The following CLPTM1L variants were observed in gnomAD, a reference collection of about 807,000 sequenced individuals.
The protein encoded by CLPTM1L is CLPTM1 like, also known as lipid scramblase CLPTM1L.
CLPTM1L carries 38 observed loss-of-function variants against 70.9 expected under a neutral mutation model. The ratio of observed to expected loss-of-function variants is 0.54; its 90% CI spans 0.41 to 0.70. The LOEUF is 0.70. CLPTM1L is among the 30% of genes least tolerant of loss of function. The pLI, the probability that CLPTM1L is intolerant of heterozygous loss-of-function variation, is 0.00. For synonymous variants in CLPTM1L, 339 were observed against 299.9 expected (o/e 1.13, Z -1.35); for missense variants, 652 against 705.9 (o/e 0.92, Z 0.87).
intron 2 of CLPTM1L, among the ~76,000 whole-genome samples, chr5:1,343,549 G>A (rs766244956): frequency 6.6e-5 from 10 of 152,208 alleles, no homozygotes; most frequent in Non-Finnish European, 1.3e-4. Flanking sequence ...TGAAAGGTGT[G>A]GGCAGCTACA....
intron 13 of CLPTM1L, among the ~76,000 whole-genome samples, chr5:1,322,022 G>A (rs1015278810): frequency 1.3e-5 from 2 of 152,326 alleles, no homozygotes; most frequent in South Asian, 2.1e-4. Context: ...AAGAGTCTAC[G>A]ACAACTTTGG....
chr5:1,331,496 G>T (rs116349938), intron 8 of CLPTM1L: 13 of 480,920 alleles, frequency 2.7e-5, no homozygotes, highest in Non-Finnish European at 1.9e-5. Context: ...AGGCTCGAGA[G>T]GTCCATGCAT....
intron 16 of CLPTM1L, among the ~76,000 whole-genome samples, chr5:1,319,775 C>T (rs935028840): frequency 6.6e-6 from 1 of 152,332 alleles, no homozygotes; most frequent in African/African-American, 2.4e-5. Context: ...GGCTCTGAGA[C>T]ACTTGGCAGC....
intron 1 of CLPTM1L, 107 bp downstream of exon 1, chr5:1,344,573 G>C: frequency 2.7e-6 from 4 of 1,454,858 alleles, no homozygotes; most frequent in Non-Finnish European, 3.8e-6. Flanking sequence ...GTTCCATCTC[G>C]ACTCGCGCGG....
rs369678416 is a variant in CLPTM1L, at chr5:1,332,972, G to C, written c.892-1089C>G. 2.9e-3 allele frequency among the ~76,000 whole-genome samples: 446 copies of C among 151,526 alleles called. 7 individuals are homozygous for C. In the East Asian group the frequency reaches 0.039, roughly 13 times the overall value. On this transcript the variant is annotated intron_variant, in intron 7 of 16. Coordinates refer to ENST00000320895, the MANE Select transcript of CLPTM1L (RefSeq NM_030782.5). Reference sequence around the variant, plus strand: ...TATACACTGGATGAGAACAAGGGGGGACTACTGTATACACACGGGATGAGG... The same window carrying C: ...TATACACTGGATGAGAACAAGGGGGCACTACTGTATACACACGGGATGAGG...
chr5:1,344,448 T>C lies in CLPTM1L; in HGVS notation c.166A>G (p.Ser56Gly). 6.2e-7 allele frequency: 1 copy of C among 1,613,120 alleles called. No homozygotes were observed. The highest frequency in any genetic ancestry group is 8.5e-7 in the Non-Finnish European group (1 of 1,179,538). Residue 56 changes from serine (S) to glycine (G), a missense_variant, in exon 2 of 17, where the codon AGC becomes GGC. Physicochemically the swap from Ser to Gly is moderately conservative, Grantham distance 56. Around this residue, in one of 3 missense-constraint regions of CLPTM1L, gnomAD observed 402 missense variants for 388.2 expected, o/e 1.04. Transcript: ENST00000320895. ...YLARRPKLQL[S>G]VYTTTRSHLG... ...TGGGACCTCGTCGTGGTGTACACGC[T>C]CAGCTGGAAAGGAGGGGGCGTCGAG...
Position 1,321,641 on chromosome 5 carries a change from G to C in CLPTM1L, c.1410C>G (p.Thr470=), listed in dbSNP as rs769304624. 2 of 1,613,864 alleles carry C rather than the reference G, an allele frequency of 1.2e-6. No individual in the cohort carries two copies. The highest frequency in any genetic ancestry group is 2.2e-5 in the South Asian group (2 of 91,090). Residue 470 remains threonine (T), a synonymous_variant, in exon 15 of 17, where the codon ACC becomes ACG. Transcript: ENST00000320895. ...SVAHLPWKAF[T]YKAFNTFIDD... ...CACCGGCTGTCACACTCACCTTGTAGGTGAAGGCCTTCCAGGGCAGATGTG... is the reference window on the plus strand; with the variant it reads ...CACCGGCTGTCACACTCACCTTGTACGTGAAGGCCTTCCAGGGCAGATGTG...
intron 4 of CLPTM1L, chr5:1,338,310 G>A (rs1181393969): frequency 2.6e-6 from 1 of 390,924 alleles, no homozygotes; most frequent in Non-Finnish European, 4.7e-6. Context: ...AGCAATCCCA[G>A]GATGCACTGA....
intron 7 of CLPTM1L, among the ~76,000 whole-genome samples, chr5:1,332,712 C>T (rs923956047): frequency 1.4e-4 from 22 of 152,358 alleles, no homozygotes; most frequent in South Asian, 4.1e-4. Context: ...ACCACACCCA[C>T]GTAACTTTAT....
In CLPTM1L at chr5:1,324,638, T is replaced by C. The variant is rs534732794; in HGVS notation, c.1197+125A>G. The C allele has an allele frequency of 1.0e-4, 95 of 952,542 alleles. No homozygotes were observed. The South Asian group carries it at 1.2e-3, about 12-fold the overall frequency. 59.0% of individuals were successfully genotyped at this position (952,542 alleles called of 1,614,324 possible). A position where few individuals can be genotyped will look rare whatever the true frequency, so the allele number is the denominator to read the frequency against. ...TTTATGTGTTCACTCTTGGGATCCC[T>C]GCTCAAGGCGGGCTGACCCGTACTC... On this transcript the variant is annotated intron_variant, in intron 11 of 16. Transcript: ENST00000320895.
rs763526781 is a variant in CLPTM1L at position 1,341,802 on chromosome 5, T to C, written c.322A>G (p.Ile108Val). ...AGGACCCCAGCGTGATGGAGGAAGA[T>C]GTAGGCATACAGCGTCCCATTGTTT... ...TRNNGTLYAY[I>V]FLHHAGVLPW... Residue 108 changes from isoleucine (I) to valine (V), a missense_variant, in exon 3 of 17, where the codon ATC (isoleucine) becomes GTC (valine). This residue lies in a region of CLPTM1L where 402 missense variants were observed against 388.2 expected (regional missense o/e 1.04). Coordinates refer to ENST00000320895, the MANE Select transcript of CLPTM1L (RefSeq NM_030782.5). 3 of 1,614,128 alleles carry C rather than the reference T, an allele frequency of 1.9e-6. No individual in the cohort carries two copies. Among genetic ancestry groups the C allele is most frequent in the East Asian group, 2.2e-5 (1 of 44,890 alleles).
chr5:1,336,307 G>C (rs1257611212), intron 5 of CLPTM1L, among the ~76,000 whole-genome samples: 1 of 152,230 alleles, frequency 6.6e-6, no homozygotes, highest in African/African-American at 2.4e-5. Flanking sequence ...CCCCAAGTGA[G>C]ACACAGCAAC....
At chr5:1,329,780 G>A (rs1398827254) in intron 9 of CLPTM1L, among the ~76,000 whole-genome samples, 1 of 110,600 alleles carries the variant, frequency 9.0e-6, no homozygotes, top group Non-Finnish European at 1.8e-5. Flanking sequence ...TCTCTGCCTG[G>A]TGGACAGAGC....
chr5:1,320,778 G>T, intron 15 of CLPTM1L, 47 bp from the exon 16 acceptor site: 1 of 1,139,784 alleles, frequency 8.8e-7, no homozygotes, highest in Non-Finnish European at 1.3e-6. Flanking sequence ...GCTGGGGCTG[G>T]AATCCTACTG....
At chr5:1,331,695 G>C (rs1753102145) in intron 8 of CLPTM1L, 104 bp downstream of exon 8, 1 of 963,008 alleles carries the variant, frequency 1.0e-6, no homozygotes, top group Non-Finnish European at 1.6e-6. Flanking sequence ...ACACACCCGG[G>C]GCTGTGTCTG....
chr5:1,331,958 C>T (rs980924603), intron 7 of CLPTM1L, 75 bp from the exon 8 acceptor site: 71 of 1,196,626 alleles, frequency 5.9e-5, no homozygotes, highest in African/African-American at 1.8e-4. Context: ...ATAGAGGCTT[C>T]GTGTGTGACC....
At chr5:1,322,733 C>A in intron 13 of CLPTM1L, 144 bp downstream of exon 13, 1 of 818,566 alleles carries the variant, frequency 1.2e-6, no homozygotes, top group Non-Finnish European at 2.1e-6. Flanking sequence ...GAGCCCTGGG[C>A]ACCGCACATG....
intron 2 of CLPTM1L, among the ~76,000 whole-genome samples, chr5:1,343,148 G>A (rs1419798875): frequency 6.6e-6 from 1 of 151,564 alleles, no homozygotes; most frequent in Non-Finnish European, 1.5e-5. Flanking sequence ...CAGAGATCAC[G>A]CCACTGCACT....
chr5:1,339,033 T>C (rs371557232), intron 3 of CLPTM1L, 28 bp from the exon 4 acceptor site: 55 of 1,605,172 alleles, frequency 3.4e-5, no homozygotes, highest in Non-Finnish European at 4.6e-5. Flanking sequence ...CAGAGGCCAA[T>C]GCTGGGACAG....
Sources: gnomAD v4.1 joint callset for allele counts (sites outside exome capture counted in the v4.1 genomes callset) on GRCh38, gnomAD v4.1.1 for gene constraint, gnomAD v4.1.1 regional missense constraint, MANE v1.5 for transcripts, NCBI Gene and HGNC (gene_info 2026-07-23, HGNC 2026-07-21) for gene names.